The following TRIM75 variants were observed in gnomAD, a reference collection of about 807,000 sequenced individuals.
The protein encoded by TRIM75 is tripartite motif containing 75.
chr4:165,059,209 A>T, the TRIM75 span: 1 of 780,216 alleles, frequency 1.3e-6, no homozygotes, highest in Non-Finnish European at 2.4e-6. Context: ...ATCTGTCTGG[A>T]TTACCTGAGT....
the TRIM75 span, chr4:165,060,341 G>A: frequency 5.1e-6 from 4 of 780,752 alleles, no homozygotes; most frequent in African/African-American, 5.1e-5. Flanking sequence ...ATGCACCAGG[G>A]GCTTTTCCAA....
chr4:165,060,239 C>A, the TRIM75 span: 6 of 780,788 alleles, frequency 7.7e-6, no homozygotes, highest in Admixed American at 3.4e-5. Flanking sequence ...GGGCTATTGG[C>A]ATTTGCAAAG....
chr4:165,054,487 T>G, the TRIM75 span, among the ~76,000 whole-genome samples: 3 of 152,168 alleles, frequency 2.0e-5, no homozygotes, highest in Admixed American at 6.5e-5. Context: ...CAGTATGGTC[T>G]CGATCTTCTG....
chr4:165,057,599 T>A, the TRIM75 span, among the ~76,000 whole-genome samples: 85 of 152,336 alleles, frequency 5.6e-4, no homozygotes, highest in African/African-American at 1.9e-3. Context: ...AGTGGTGCGA[T>A]CTCAGCTCAC....
At chr4:165,056,602 C>CTTTTTTTTTTTTTT in the TRIM75 span, among the ~76,000 whole-genome samples, 8 of 69,992 alleles carry the variant, frequency 1.1e-4, no homozygotes, top group Non-Finnish European at 2.1e-4. Context: ...GTCTCTGTCT[C>CTTTTTTTTTTTTTT]TTTTTTTTTT....
the TRIM75 span, chr4:165,060,114 CA>C: frequency 6.4e-6 from 5 of 780,762 alleles, no homozygotes; most frequent in Non-Finnish European, 9.6e-6. Flanking sequence ...AAAGAGAAAA[CA>C]AAAGGTTCCT....
the TRIM75 span, among the ~76,000 whole-genome samples, chr4:165,055,317 T>C: frequency 7.0e-6 from 1 of 143,094 alleles, no homozygotes; most frequent in South Asian, 2.2e-4. Context: ...GGAGTTTCAC[T>C]CTTGTTGCCC....
At chr4:165,060,287 C>T in the TRIM75 span, 2 of 780,868 alleles carry the variant, frequency 2.6e-6, no homozygotes, top group Non-Finnish European at 4.8e-6. Flanking sequence ...CCTCATCAGC[C>T]CAGCAGGAAT....
the TRIM75 span, among the ~76,000 whole-genome samples, chr4:165,054,414 T>C: frequency 1.3e-5 from 2 of 151,990 alleles, no homozygotes; most frequent in Admixed American, 6.6e-5. Flanking sequence ...ACTACAGGCA[T>C]GTGCCACCAT....
chr4:165,054,460 G>A, the TRIM75 span, among the ~76,000 whole-genome samples: 1 of 152,050 alleles, frequency 6.6e-6, no homozygotes, highest in South Asian at 2.1e-4. Context: ...GTAGAAACAG[G>A]GTTTCACCAT....
At chr4:165,057,444 T>A in the TRIM75 span, among the ~76,000 whole-genome samples, 15 of 152,230 alleles carry the variant, frequency 9.9e-5, no homozygotes, top group Non-Finnish European at 2.1e-4. Flanking sequence ...TATGTTTGAA[T>A]ATTTGTTCAA....
At chr4:165,059,779 A>G in the TRIM75 span, 6 of 780,924 alleles carry the variant, frequency 7.7e-6, no homozygotes, top group Non-Finnish European at 1.2e-5. Context: ...GAAGAGAAGG[A>G]CAATCAACAG....
the TRIM75 span, chr4:165,060,056 A>G: frequency 1.3e-6 from 1 of 778,926 alleles, no homozygotes; most frequent in Non-Finnish European, 2.4e-6. Flanking sequence ...CTGAAACAGC[A>G]CACCCTAACC....
At chr4:165,058,306 C>G in the TRIM75 span, among the ~76,000 whole-genome samples, 3 of 151,996 alleles carry the variant, frequency 2.0e-5, no homozygotes, top group African/African-American at 7.2e-5. Flanking sequence ...TAGGCTGGGA[C>G]TACAGGTGCG....
At chr4:165,060,126 G>C in the TRIM75 span, 2 of 780,886 alleles carry the variant, frequency 2.6e-6, no homozygotes, top group East Asian at 2.4e-5. Context: ...AAAGGTTCCT[G>C]GTTTCCCAAA....
the TRIM75 span, among the ~76,000 whole-genome samples, chr4:165,058,335 AT>A: frequency 0.037 from 5,617 of 150,060 alleles, 323 homozygotes; most frequent in African/African-American, 0.12. Flanking sequence ...TGCCCAACTA[AT>A]TTTTTTTTTA....
chr4:165,060,227 A>G, the TRIM75 span: 1 of 780,944 alleles, frequency 1.3e-6, no homozygotes, highest in Non-Finnish European at 2.4e-6. Flanking sequence ...ATAAGTCAGA[A>G]TGGGCTATTG....
At chr4:165,060,163 T>TGGCA in the TRIM75 span, 4 of 780,978 alleles carry the variant, frequency 5.1e-6, no homozygotes, top group Non-Finnish European at 9.6e-6. Context: ...CCAGTTGTTC[T>TGGCA]GGGTTTTCCG....
chr4:165,056,851 A>G, the TRIM75 span, among the ~76,000 whole-genome samples: 1 of 151,988 alleles, frequency 6.6e-6, no homozygotes, highest in African/African-American at 2.4e-5. Flanking sequence ...TCCTGACCTC[A>G]GGTCATCTGC....
Sources: gnomAD v4.1 joint callset for allele counts (sites outside exome capture counted in the v4.1 genomes callset) on GRCh38, gnomAD v4.1.1 for gene constraint, MANE v1.5 for transcripts, NCBI Gene and HGNC (gene_info 2026-07-23, HGNC 2026-07-21) for gene names.